Variants in PIGU observed in about 807,000 individuals in gnomAD.
The protein encoded by PIGU is phosphatidylinositol glycan anchor biosynthesis class U.
A neutral mutation model predicts 49.9 loss-of-function variants in PIGU; 24 were observed. The ratio of observed to expected loss-of-function variants is 0.48; its 90% CI spans 0.35 to 0.68. PIGU has a LOEUF of 0.68. PIGU is among the 30% of genes least tolerant of loss of function. The pLI is 0.01. For synonymous variants in PIGU, 220 were observed against 205.7 expected (o/e 1.07, Z -0.59); for missense variants, 490 against 532.6 (o/e 0.92, Z 0.79).
chr20:34,665,197 T>C (rs1287280224), intron 1 of PIGU, among the ~76,000 whole-genome samples: 4 of 97,006 alleles, frequency 4.1e-5, no homozygotes, highest in Non-Finnish European at 8.7e-5. Flanking sequence ...GGCCAATTTT[T>C]TTTTTTTTTT....
chr20:34,668,724 G>A (rs983746015), intron 1 of PIGU, among the ~76,000 whole-genome samples: 5 of 136,452 alleles, frequency 3.7e-5, no homozygotes, highest in Non-Finnish European at 6.3e-5. Context: ...AACCAAGATC[G>A]TGTCACTGCA....
intron 6 of PIGU, among the ~76,000 whole-genome samples, chr20:34,621,701 G>A (rs76911240): frequency 2.6e-5 from 4 of 152,328 alleles, no homozygotes; most frequent in Non-Finnish European, 5.9e-5. Flanking sequence ...TTGGGGCAGA[G>A]TCAGAGAAGA....
chr20:34,632,549 T>A (rs1056670660), intron 6 of PIGU, among the ~76,000 whole-genome samples: 11 of 151,968 alleles, frequency 7.2e-5, no homozygotes, highest in African/African-American at 2.4e-4. Context: ...TTGTTTTTAG[T>A]AGAGATGGGG....
At chr20:34,648,649 GGTGAC>G (rs563341168) in intron 2 of PIGU, among the ~76,000 whole-genome samples, 1 of 151,968 alleles carries the variant, frequency 6.6e-6, no homozygotes, top group South Asian at 2.1e-4. Flanking sequence ...CCCAGACTCA[GGTGAC>G]CCCCCTACCT....
intron 2 of PIGU, among the ~76,000 whole-genome samples, chr20:34,652,080 G>A (rs1986558531): frequency 6.6e-6 from 1 of 152,144 alleles, no homozygotes; most frequent in Admixed American, 6.5e-5. Flanking sequence ...GCTCACTGCA[G>A]CTTAGACCTT....
intron 7 of PIGU, among the ~76,000 whole-genome samples, chr20:34,603,861 GACACACACAC>G (rs142929319): frequency 1.4e-5 from 2 of 143,806 alleles, no homozygotes; most frequent in Admixed American, 7.1e-5. Context: ...TTAGTGGACA[GACACACACAC>G]ACACACACAC....
chr20:34,626,596 G>A (rs981816680), intron 6 of PIGU, among the ~76,000 whole-genome samples: 1 of 151,982 alleles, frequency 6.6e-6, no homozygotes, highest in African/African-American at 2.4e-5. Flanking sequence ...GAGCCACCGC[G>A]CCTGGCCAAA....
At chr20:34,576,724 G>A (rs1983250791) in intron 10 of PIGU, among the ~76,000 whole-genome samples, 2 of 152,100 alleles carry the variant, frequency 1.3e-5, no homozygotes, top group Non-Finnish European at 2.9e-5. Flanking sequence ...TGGGCTCCAG[G>A]GATCCTCCTG....
intron 1 of PIGU, among the ~76,000 whole-genome samples, chr20:34,665,771 T>C (rs1045020845): frequency 7.2e-5 from 11 of 152,184 alleles, no homozygotes; most frequent in African/African-American, 2.2e-4. Flanking sequence ...CTAAGGTACA[T>C]AGATGTTTCA....
chr20:34,659,141 T>C (rs1183611723), intron 1 of PIGU, among the ~76,000 whole-genome samples: 669 of 38,302 alleles, frequency 0.017, no homozygotes, highest in Middle Eastern at 0.045. Flanking sequence ...TCTGCCCGGC[T>C]GCCCCTACTG....
chr20:34,676,998 C>T lies in PIGU; in HGVS notation c.88G>A (p.Glu30Lys), dbSNP rs1263248660. ...FRSSLAEFIS[E>K]RVEVVSPLSS... Reference sequence around the variant, plus strand: ...AGTGGGGACACCACCTCCACCCGCTCGGAAATGAACTCGGCCAGACTGGAG... The same window carrying T: ...AGTGGGGACACCACCTCCACCCGCTTGGAAATGAACTCGGCCAGACTGGAG... The change falls in exon 1 of 12, where the codon GAG becomes AAG. Residue 30 changes from glutamate (E) to lysine (K), a missense_variant. Transcript: ENST00000217446. The T allele has an allele frequency of 6.3e-7, 1 of 1,583,328 alleles. No homozygotes were observed. The highest frequency in any genetic ancestry group is 8.6e-7 in the Non-Finnish European group (1 of 1,165,614).
rs1166242254 is a variant in PIGU, at chr20:34,581,637, G to A, written c.962C>T (p.Ala321Val). Residue 321 changes from alanine (A) to valine (V), a missense_variant, in exon 10 of 12, where the codon GCT (alanine) becomes GTT (valine). Physicochemically the swap from Ala to Val is moderately conservative, Grantham distance 64. Coordinates refer to ENST00000217446, the MANE Select transcript of PIGU (RefSeq NM_080476.5). The part of the protein sequence containing the change: ...HPIFFMFIQI[A>V]VIAIFKSYPT... ...GTAGGACTTAAAGATGGCGATGACA[G>A]CGATCTGGATAAACATGAAGAAGAT... 1 of 1,614,010 alleles carries A rather than the reference G, an allele frequency of 6.2e-7. No homozygotes were observed. The highest frequency in any genetic ancestry group is 1.1e-5 in the South Asian group (1 of 91,062).
At chr20:34,607,162 A>C (rs1245713563) in intron 7 of PIGU, among the ~76,000 whole-genome samples, 1 of 152,234 alleles carries the variant, frequency 6.6e-6, no homozygotes, top group Non-Finnish European at 1.5e-5. Context: ...TGTTCTCTAA[A>C]AACCATTCAC....
At chr20:34,674,864 C>T (rs767671267) in intron 1 of PIGU, among the ~76,000 whole-genome samples, 3 of 151,350 alleles carry the variant, frequency 2.0e-5, no homozygotes, top group Non-Finnish European at 4.4e-5. Flanking sequence ...GGAGGATGTC[C>T]TGAGCCCGAG....
At position 34,575,111 on chromosome 20, in the gene PIGU, A is replaced by G; in HGVS notation, c.1187T>C (p.Val396Ala). The part of the protein sequence containing the change: ...FFYAITLTFN[V>A]GQILLISDYF... ...CCATGCTGTCCCTCTTACCTGCCCA[A>G]CGTTGAAGGTCAGTGTGATGGCATA... Residue 396 changes from valine (V) to alanine (A), a missense_variant, in exon 11 of 12, where the codon GTT becomes GCT. Coordinates refer to ENST00000217446, the MANE Select transcript of PIGU (RefSeq NM_080476.5). 2 of 1,614,040 alleles carry G rather than the reference A, an allele frequency of 1.2e-6. No homozygotes were observed. Among genetic ancestry groups the G allele is most frequent in the Non-Finnish European group, 1.7e-6 (2 of 1,179,938 alleles).
intron 6 of PIGU, among the ~76,000 whole-genome samples, chr20:34,618,465 A>G (rs1985091650): frequency 6.6e-6 from 1 of 152,138 alleles, no homozygotes; most frequent in Non-Finnish European, 1.5e-5. Flanking sequence ...GCTCACTCTC[A>G]TTAGTGTGGG....
In PIGU at chr20:34,618,533, G is replaced by A. The variant is rs1985094205; in HGVS notation, c.530-2394C>T. The stretch of plus-strand genomic sequence containing the variant: ...ATGGTGGTTCACAAATGTAATCCCA[G>A]CACTTTGAAAGGCAAAGGTGGGAGG... On this transcript the variant is annotated intron_variant, in intron 6 of 11. Coordinates refer to ENST00000217446, the MANE Select transcript of PIGU (RefSeq NM_080476.5). Among the ~76,000 whole-genome samples, 4 of 152,282 alleles carry A rather than the reference G, an allele frequency of 2.6e-5. 1 individual carries two copies. The East Asian group carries it at 7.7e-4, about 29-fold the overall frequency.
intron 2 of PIGU, among the ~76,000 whole-genome samples, chr20:34,648,880 T>G (rs1209570280): frequency 1.3e-5 from 2 of 152,028 alleles, no homozygotes; most frequent in Non-Finnish European, 2.9e-5. Flanking sequence ...ACTGATTGAC[T>G]GATTTAGAGA....
intron 7 of PIGU, among the ~76,000 whole-genome samples, chr20:34,590,328 G>A (rs6141486): frequency 0.37 from 56,248 of 150,874 alleles, 10,810 homozygotes; most frequent in Admixed American, 0.54. Flanking sequence ...AGGCCGAGGC[G>A]GGAACATCAC....
Sources: gnomAD v4.1 joint callset for allele counts (sites outside exome capture counted in the v4.1 genomes callset) on GRCh38, gnomAD v4.1.1 for gene constraint, MANE v1.5 for transcripts, NCBI Gene and HGNC (gene_info 2026-07-23, HGNC 2026-07-21) for gene names.